SPINK5: variants seen among roughly 807,000 people sequenced by gnomAD.
SPINK5 encodes serine protease inhibitor Kazal-type 5.
A neutral mutation model predicts 151.8 loss-of-function variants in SPINK5; 125 were observed. The observed-to-expected ratio is 0.82, with a 90% CI of 0.71 to 0.96. The LOEUF is 0.96. Ranked by LOEUF, SPINK5 falls within the 40% of genes least tolerant of loss-of-function variation. The probability of loss-of-function intolerance (pLI) is 0.00; values close to 1 mark genes in which losing one functional copy is unlikely to be tolerated. For missense variants in SPINK5, 1,194 were observed against 1,291.9 expected (o/e 0.92, Z 1.16); for synonymous variants, 374 against 395.3 (o/e 0.95, Z 0.64).
intron 18 of SPINK5, among the ~76,000 whole-genome samples, chr5:148,109,372 G>A (rs1029355185): frequency 6.6e-6 from 1 of 151,928 alleles, no homozygotes; most frequent in African/African-American, 2.4e-5. Context: ...ACTGATATTT[G>A]TAGTAGCCAT....
At chr5:148,076,729 T>C (rs1012055727) in intron 4 of SPINK5, among the ~76,000 whole-genome samples, 1 of 151,538 alleles carries the variant, frequency 6.6e-6, no homozygotes, top group African/African-American at 2.4e-5. Context: ...ATAATAACAA[T>C]GAATAAGCCG....
chr5:148,073,604 G>A (rs1163228707), intron 4 of SPINK5, among the ~76,000 whole-genome samples: 1 of 151,394 alleles, frequency 6.6e-6, no homozygotes, highest in Non-Finnish European at 1.5e-5. Context: ...TATCTATAGT[G>A]TTTAAAAATA....
At chr5:148,070,524 T>A (rs563162543) in intron 3 of SPINK5, 74 bp downstream of exon 3, 1 of 1,579,344 alleles carries the variant, frequency 6.3e-7, no homozygotes, top group East Asian at 2.3e-5. Flanking sequence ...AATGTATTCT[T>A]TTTCTTTCAA....
At chr5:148,071,378 G>A (rs1752733818) in intron 3 of SPINK5, among the ~76,000 whole-genome samples, 1 of 152,162 alleles carries the variant, frequency 6.6e-6, no homozygotes, top group Non-Finnish European at 1.5e-5. Context: ...GAGACTGTGA[G>A]ACTATAAAGA....
chr5:148,086,338 C>T lies in SPINK5; in HGVS notation c.283-67C>T, dbSNP rs1753152354. ...ATTATTGTGGGCTTAAAATGTTAAT[C>T]TATTTATACATCTAAGGACTATTTT... On this transcript the variant is annotated intron_variant, in intron 4 of 32. Transcript: ENST00000256084. 1.9e-6 allele frequency: 3 copies of T among 1,578,028 alleles called. No homozygotes were observed. The Admixed American group carries it at 5.1e-5, about 27-fold the overall frequency.
rs956188800 is a variant in SPINK5, at chr5:148,137,311, A to C, written c.*320A>C. 7 of 447,216 alleles carry C rather than the reference A, an allele frequency of 1.6e-5. No individual in the cohort carries two copies. The highest frequency in any genetic ancestry group is 1.4e-4 in the African/African-American group (7 of 50,796). 27.7% of individuals were successfully genotyped at this position (447,216 alleles called of 1,614,324 possible). A position where few individuals can be genotyped will look rare whatever the true frequency, so the allele number is the denominator to read the frequency against. On this transcript the variant is annotated 3_prime_UTR_variant, in exon 33 of 33. Coordinates refer to ENST00000256084, the MANE Select transcript of SPINK5 (RefSeq NM_006846.4). ...CCCTTTCTGGGATTTCTTTGTCACT[A>C]TCTGGATAATAGATATTTGCTTTTA...
intron 4 of SPINK5, among the ~76,000 whole-genome samples, chr5:148,077,983 A>C (rs1752927812): frequency 6.6e-6 from 1 of 151,120 alleles, no homozygotes; most frequent in Non-Finnish European, 1.5e-5. Flanking sequence ...TATTAAACAT[A>C]AATGGTTTAA....
chr5:148,105,058 C>A, intron 16 of SPINK5, 58 bp downstream of exon 16: 1 of 1,528,196 alleles, frequency 6.5e-7, no homozygotes, highest in African/African-American at 1.4e-5. Flanking sequence ...CTTTATAATT[C>A]TTTACTTATC....
intron 2 of SPINK5, among the ~76,000 whole-genome samples, chr5:148,068,648 AC>A (rs1170875954): frequency 6.6e-6 from 1 of 151,708 alleles, no homozygotes; most frequent in African/African-American, 2.4e-5. Context: ...CTAAATAGAA[AC>A]CTTTAATAAA....
At chr5:148,112,833 T>C (rs1449744439) in intron 19 of SPINK5, 35 bp from the exon 20 acceptor site, 6 of 1,613,322 alleles carry the variant, frequency 3.7e-6, no homozygotes, top group Admixed American at 3.3e-5. Context: ...TATTGGGTGC[T>C]AGGAATGATT....
chr5:148,079,087 G>T (rs1313404597), intron 4 of SPINK5, among the ~76,000 whole-genome samples: 1 of 150,846 alleles, frequency 6.6e-6, no homozygotes, highest in East Asian at 2.0e-4. Context: ...AGTGAAATAG[G>T]AGACATCAGT....
rs67549762 is a variant in SPINK5 at position 148,073,814 on chromosome 5, TCACACACACACACA to T, written c.282+1629_282+1642del. Among the ~76,000 whole-genome samples the T allele has an allele frequency of 1.3e-3, 148 of 113,812 alleles. 1 individual carries two copies. Among genetic ancestry groups the T allele is most frequent in the African/African-American group, 3.4e-3 (103 of 29,856 alleles). The allele number at this position is 113,812 out of a possible 152,430, so 74.7% of individuals were successfully genotyped here. ...TTTTTGTTAATATATTATGCCTGAG[TCACACACACACACA>T]CACACACACACACACACACACACAC... On this transcript the variant is annotated intron_variant, in intron 4 of 32. Coordinates refer to ENST00000256084, the MANE Select transcript of SPINK5 (RefSeq NM_006846.4).
At chr5:148,109,240 T>A (rs1185009586) in intron 18 of SPINK5, among the ~76,000 whole-genome samples, 1 of 152,116 alleles carries the variant, frequency 6.6e-6, no homozygotes, top group Non-Finnish European at 1.5e-5. Flanking sequence ...CTGTGAGATT[T>A]TGAGGAGATA....
At chr5:148,064,211 C>T in intron 1 of SPINK5, 112 bp downstream of exon 1, 3 of 1,075,224 alleles carry the variant, frequency 2.8e-6, no homozygotes, top group Non-Finnish European at 4.3e-6. Context: ...CATGTATAAT[C>T]CTGAAATGTC....
In SPINK5 at chr5:148,113,137, C is replaced by A. The variant is rs201488506; in HGVS notation, c.1887+203C>A. Among the ~76,000 whole-genome samples the A allele has an allele frequency of 0.15, 23,196 of 152,024 alleles. 2,409 individuals are homozygous for A. The highest frequency in any genetic ancestry group is 0.32 in the East Asian group (1,639 of 5,144). Reference sequence around the variant, plus strand: ...CATAGAATCTCTGTCACAACTACTCCACTTGGCTGTTGTGACTGTAAAACA... The same window carrying A: ...CATAGAATCTCTGTCACAACTACTCAACTTGGCTGTTGTGACTGTAAAACA... On this transcript the variant is annotated intron_variant, in intron 20 of 32. Coordinates refer to ENST00000256084, the MANE Select transcript of SPINK5 (RefSeq NM_006846.4).
intron 31 of SPINK5, among the ~76,000 whole-genome samples, chr5:148,132,314 C>T (rs1581114581): frequency 6.6e-6 from 1 of 152,116 alleles, no homozygotes; most frequent in African/African-American, 2.4e-5. Context: ...CTTTATCCTT[C>T]TTAGGACACT....
In SPINK5 at chr5:148,125,776, TAGAGAGAATGACCC is replaced by T; in HGVS notation, c.2796_2809del (p.Arg932SerfsTer5). The stretch of plus-strand genomic sequence containing the variant: ...TAAGGAACAATGAACTCATCTGCCC[TAGAGAGAATGACCC>T]AGTGCACGGTGCTGATGGAAAGTTC... On this transcript the variant is annotated frameshift_variant, in exon 29 of 33. Coordinates refer to ENST00000256084, the MANE Select transcript of SPINK5 (RefSeq NM_006846.4). LOFTEE classifies it high-confidence loss of function. The T allele has an allele frequency of 6.2e-7, 1 of 1,614,222 alleles. No homozygotes were observed. Among genetic ancestry groups the T allele is most frequent in the Non-Finnish European group, 8.5e-7 (1 of 1,180,036 alleles).
intron 30 of SPINK5, among the ~76,000 whole-genome samples, chr5:148,127,847 G>T (rs1754471563): frequency 6.6e-6 from 1 of 152,076 alleles, no homozygotes; most frequent in Non-Finnish European, 1.5e-5. Context: ...GACAGAACAG[G>T]ACCCCACCCT....
At chr5:148,131,036 G>GTTTC (rs553405830) in intron 30 of SPINK5, among the ~76,000 whole-genome samples, 153 of 152,252 alleles carry the variant, frequency 1.0e-3, no homozygotes, top group African/African-American at 3.6e-3. Flanking sequence ...GCTACTCCTT[G>GTTTC]TTTCTTTGTT....
Sources: allele counts gnomAD v4.1 joint callset (sites outside exome capture counted in the v4.1 genomes callset), GRCh38; gene constraint gnomAD v4.1.1; transcripts MANE v1.5; gene names NCBI Gene and HGNC (gene_info 2026-07-23, HGNC 2026-07-21).